Variants in CEP63 observed in about 807,000 individuals in gnomAD.
CEP63 encodes the protein centrosomal protein of 63 kDa.
A neutral mutation model predicts 89.1 loss-of-function variants in CEP63; 84 were observed. That is an observed-to-expected ratio of 0.94 (90% CI 0.79 to 1.13). The LOEUF is 1.13. Among genes scored for constraint, CEP63 ranks in the 50% most tolerant of loss-of-function variants. CEP63 has a pLI of 0.00. For synonymous variants in CEP63, 267 were observed against 272.5 expected (o/e 0.98, Z 0.20); for missense variants, 838 against 813.3 (o/e 1.03, Z -0.37).
At chr3:134,650,542 G>A in the CEP63 span, among the ~76,000 whole-genome samples, 2 of 152,192 alleles carry the variant, frequency 1.3e-5, no homozygotes, top group Admixed American at 6.5e-5. Flanking sequence ...CACCCGTTAG[G>A]GAGTGGCTGG....
At chr3:134,661,984 C>A in the CEP63 span, among the ~76,000 whole-genome samples, 1 of 152,154 alleles carries the variant, frequency 6.6e-6, no homozygotes, top group Non-Finnish European at 1.5e-5. Flanking sequence ...GAGAACATAG[C>A]AAGAAGGTGC....
the CEP63 span, among the ~76,000 whole-genome samples, chr3:134,715,515 G>GT: frequency 2.5e-4 from 37 of 146,392 alleles, no homozygotes; most frequent in South Asian, 4.8e-3. Flanking sequence ...GCCAGGAAAG[G>GT]TTTTTTTTTT....
chr3:134,574,054 C>T (rs1165034830), intron 11 of CEP63, among the ~76,000 whole-genome samples: 6 of 152,190 alleles, frequency 3.9e-5, no homozygotes, highest in African/African-American at 1.2e-4. Context: ...CATGCAGCCT[C>T]GTGGGCTGGC....
the CEP63 span, among the ~76,000 whole-genome samples, chr3:134,691,848 T>C: frequency 2.0e-5 from 3 of 151,910 alleles, no homozygotes; most frequent in Non-Finnish European, 4.4e-5. Context: ...GCCTCCTGAG[T>C]ACCTGGAATT....
chr3:134,729,647 T>G, the CEP63 span, among the ~76,000 whole-genome samples: 874 of 152,326 alleles, frequency 5.7e-3, 15 homozygotes, highest in African/African-American at 0.02. Context: ...TAAGGTCTGG[T>G]TCAAAGGAAT....
At chr3:134,663,704 CCAGAGGGGCCAGGAAG>C in the CEP63 span, among the ~76,000 whole-genome samples, 1 of 94,920 alleles carries the variant, frequency 1.1e-5, no homozygotes, top group Non-Finnish European at 2.5e-5. Context: ...ATGCGGGGCC[CCAGAGGGGCCAGGAAG>C]GAGGGATATG....
chr3:134,652,883 T>C, the CEP63 span, among the ~76,000 whole-genome samples: 3 of 152,290 alleles, frequency 2.0e-5, no homozygotes, highest in South Asian at 6.2e-4. Context: ...TACAGCACCC[T>C]TGGTTGCCGG....
the CEP63 span, chr3:134,629,780 A>T: frequency 9.7e-6 from 8 of 828,274 alleles, no homozygotes; most frequent in South Asian, 8.9e-5. Flanking sequence ...GAATAAAAAA[A>T]CAATTAGTTT....
chr3:134,750,054 C>T, the CEP63 span, among the ~76,000 whole-genome samples: 3 of 152,258 alleles, frequency 2.0e-5, no homozygotes, highest in Non-Finnish European at 4.4e-5. Flanking sequence ...AGCTGAATAA[C>T]ACCTCATTTC....
chr3:134,736,273 C>A, the CEP63 span, among the ~76,000 whole-genome samples: 1 of 152,018 alleles, frequency 6.6e-6, no homozygotes, highest in Non-Finnish European at 1.5e-5. Context: ...ACATTAGAAG[C>A]AATACATTTA....
chr3:134,633,562 G>A, the CEP63 span, among the ~76,000 whole-genome samples: 8 of 152,174 alleles, frequency 5.3e-5, no homozygotes, highest in Admixed American at 5.2e-4. Flanking sequence ...ATCCGTTCAT[G>A]ATAAAACCTC....
chr3:134,688,777 G>T, the CEP63 span, among the ~76,000 whole-genome samples: 4 of 152,170 alleles, frequency 2.6e-5, no homozygotes, highest in African/African-American at 9.7e-5. Context: ...CAAGGCAAAT[G>T]GCTGAGACCA....
At chr3:134,623,829 C>CT in the CEP63 span, among the ~76,000 whole-genome samples, 68 of 152,298 alleles carry the variant, frequency 4.5e-4, no homozygotes, top group African/African-American at 1.5e-3. Flanking sequence ...CAGGGAGCCC[C>CT]TCCCTGGACC....
At chr3:134,774,266 C>A in the CEP63 span, among the ~76,000 whole-genome samples, 1 of 152,170 alleles carries the variant, frequency 6.6e-6, no homozygotes, top group East Asian at 1.9e-4. Context: ...ATTCATGCTC[C>A]TCTACTATGC....
At chr3:134,734,378 G>A in the CEP63 span, among the ~76,000 whole-genome samples, 1 of 152,128 alleles carries the variant, frequency 6.6e-6, no homozygotes, top group Admixed American at 6.5e-5. Context: ...AATCTTAAAA[G>A]GTTGTATGAT....
chr3:134,759,718 A>G, the CEP63 span, among the ~76,000 whole-genome samples: 1 of 152,208 alleles, frequency 6.6e-6, no homozygotes, highest in Non-Finnish European at 1.5e-5. Context: ...AGGAAATATG[A>G]CCACAATTGC....
chr3:134,546,350 G>A lies in CEP63; in HGVS notation c.929+62G>A, dbSNP rs143098200. ...TTAATGACTAGGTATTAAGCACTAG[G>A]CTTATTTTTATTTTTATTTTTATTT... On this transcript the variant is annotated intron_variant, in intron 8 of 14. Transcript: ENST00000675561. The A allele has an allele frequency of 6.7e-5, 94 of 1,407,086 alleles. No individual in the cohort carries two copies. In the African/African-American group the frequency reaches 1.1e-3, roughly 16 times the overall value. The allele number at this position is 1,407,086 out of a possible 1,614,324, so 87.2% of individuals were successfully genotyped here. A position where few individuals can be genotyped will look rare whatever the true frequency, so the allele number is the denominator to read the frequency against.
intron 12 of CEP63, among the ~76,000 whole-genome samples, chr3:134,555,711 C>T (rs1473230582): frequency 2.0e-5 from 3 of 151,680 alleles, no homozygotes; most frequent in African/African-American, 7.3e-5. Context: ...AGGTAATTTA[C>T]AGATTCAATG....
the CEP63 span, chr3:134,604,334 T>C: frequency 6.2e-7 from 1 of 1,614,008 alleles, no homozygotes; most frequent in Non-Finnish European, 8.5e-7. Context: ...AGCTTGTGAG[T>C]GCCCATGGTT....
Sources: allele counts gnomAD v4.1 joint callset (sites outside exome capture counted in the v4.1 genomes callset), GRCh38; gene constraint gnomAD v4.1.1; transcripts MANE v1.5; gene names NCBI Gene and HGNC (gene_info 2026-07-23, HGNC 2026-07-21).